Variants in CEP192 observed in about 807,000 individuals in gnomAD.
CEP192 encodes the protein centrosomal protein of 192 kDa.
Under a neutral mutation model 271.8 loss-of-function variants are expected in CEP192, and 151 were observed. That is an observed-to-expected ratio of 0.56 (90% CI 0.49 to 0.64). The LOEUF is 0.64. Among genes scored for constraint, CEP192 ranks in the 30% least tolerant of loss-of-function variants. CEP192 has a pLI of 0.00. For missense variants in CEP192, 2,910 were observed against 3,020.5 expected (o/e 0.96, Z 0.86); for synonymous variants, 995 against 1,076.5 (o/e 0.92, Z 1.48).
intron 40 of CEP192, among the ~76,000 whole-genome samples, chr18:13,107,745 A>G (rs191417841): frequency 2.0e-4 from 30 of 152,282 alleles, no homozygotes; most frequent in African/African-American, 6.3e-4. Flanking sequence ...TATTTTTCCT[A>G]TGGAGATCCA....
chr18:13,020,311 A>T (rs1398609184), intron 9 of CEP192, among the ~76,000 whole-genome samples: 1 of 152,200 alleles, frequency 6.6e-6, no homozygotes, highest in African/African-American at 2.4e-5. Flanking sequence ...GGGTAACCTC[A>T]TATAAGTGAA....
At chr18:13,004,959 C>T (rs565767946) in intron 3 of CEP192, among the ~76,000 whole-genome samples, 64 of 151,894 alleles carry the variant, frequency 4.2e-4, no homozygotes, top group Non-Finnish European at 8.4e-4. Context: ...TGGACAGGGG[C>T]AGGGAGAGTG....
intron 34 of CEP192, among the ~76,000 whole-genome samples, chr18:13,093,189 G>T (rs1368377010): frequency 6.6e-6 from 1 of 152,030 alleles, no homozygotes; most frequent in Non-Finnish European, 1.5e-5. Flanking sequence ...ACACTCTCCT[G>T]CATAGCCATG....
intron 43 of CEP192, among the ~76,000 whole-genome samples, chr18:13,117,268 C>T (rs138049033): frequency 3.5e-4 from 53 of 152,226 alleles, no homozygotes; most frequent in African/African-American, 1.3e-3. Context: ...AACATAAACT[C>T]ACTGGAAGTT....
At chr18:13,012,471 C>T (rs139948123) in intron 4 of CEP192, among the ~76,000 whole-genome samples, 365 of 152,230 alleles carry the variant, frequency 2.4e-3, no homozygotes, top group Non-Finnish European at 4.1e-3. Flanking sequence ...TACATAACCA[C>T]GGTGCTATTA....
intron 26 of CEP192, 46 bp from the exon 27 acceptor site, chr18:13,069,692 G>T: frequency 8.6e-7 from 1 of 1,165,122 alleles, no homozygotes. Flanking sequence ...CGAAAACTGC[G>T]TTTTTGTAAG....
At chr18:13,078,886 G>A (rs2038437377) in intron 30 of CEP192, among the ~76,000 whole-genome samples, 1 of 152,100 alleles carries the variant, frequency 6.6e-6, no homozygotes, top group Non-Finnish European at 1.5e-5. Flanking sequence ...AACATGCGGT[G>A]TTTGGTTTTC....
Position 13,068,441 on chromosome 18 carries a change from G to A in CEP192, c.4822+19G>A. On this transcript the variant is annotated intron_variant, in intron 24 of 44. Transcript: ENST00000506447. ...TCTTCAGGTATCATGTTTACACTGT[G>A]TGGGAATTGCTTTAATCTGTAGCTA... is the stretch of plus-strand genomic sequence containing the variant. 1 of 1,573,388 alleles carries A rather than the reference G, an allele frequency of 6.4e-7. No individual in the cohort carries two copies. Among genetic ancestry groups the A allele is most frequent in the Non-Finnish European group, 8.7e-7 (1 of 1,148,848 alleles).
chr18:13,030,686 C>G, intron 11 of CEP192, 78 bp downstream of exon 11: 3 of 1,104,192 alleles, frequency 2.7e-6, no homozygotes, highest in Non-Finnish European at 4.0e-6. Context: ...ATATGTTGGT[C>G]AGCCACATCA....
intron 21 of CEP192, among the ~76,000 whole-genome samples, chr18:13,060,402 C>T (rs2037346654): frequency 1.3e-5 from 2 of 152,102 alleles, no homozygotes; most frequent in Non-Finnish European, 2.9e-5. Context: ...CTCTGTGAGT[C>T]AGTGGTAAAG....
Position 13,040,823 on chromosome 18 carries a change from T to A in CEP192, c.1810-7T>A. On this transcript the variant is annotated splice_polypyrimidine_tract_variant and splice_region_variant and intron_variant, in intron 13 of 44. Transcript: ENST00000506447. Reference sequence around the variant, plus strand: ...AAAGAAATAATTTACCTTTAATTATTTTGTAGCCATCATTTGGCTATTTTA... The same window carrying A: ...AAAGAAATAATTTACCTTTAATTATATTGTAGCCATCATTTGGCTATTTTA... The A allele has an allele frequency of 6.3e-7, 1 of 1,575,044 alleles. No homozygotes were observed. The highest frequency in any genetic ancestry group is 8.6e-7 in the Non-Finnish European group (1 of 1,158,506).
rs977158266 is a variant in CEP192, at chr18:13,084,564, G to A, written c.5617-2453G>A. Among the ~76,000 whole-genome samples the A allele has an allele frequency of 5.3e-5, 8 of 152,242 alleles. No homozygotes were observed. In the East Asian group the frequency reaches 7.7e-4, roughly 15 times the overall value. On this transcript the variant is annotated intron_variant, in intron 30 of 44. Transcript: ENST00000506447. ...CTTGGCTAGGAAAGGGAAATCCCCCGACCCCTTGTGCTTCCCGGGTGAGGC... is the reference window on the plus strand; with the variant it reads ...CTTGGCTAGGAAAGGGAAATCCCCCAACCCCTTGTGCTTCCCGGGTGAGGC...
intron 30 of CEP192, among the ~76,000 whole-genome samples, chr18:13,082,674 C>A (rs1407660688): frequency 3.6e-4 from 54 of 151,940 alleles, no homozygotes; most frequent in Admixed American, 3.5e-3. Context: ...ATGATGTTAG[C>A]TGGTTATTTT....
Position 12,991,368 on chromosome 18 carries a change from C to T in CEP192, c.-74C>T, listed in dbSNP as rs2032824671. 6.6e-6 allele frequency: 1 copy of T among 152,420 alleles called. No homozygotes were observed. Among genetic ancestry groups the T allele is most frequent in the Non-Finnish European group, 1.5e-5 (1 of 68,176 alleles). 9.4% of individuals were successfully genotyped at this position (152,420 alleles called of 1,614,324 possible). ...CACGCGCACGCGCACTTGCAGTGCC[C>T]TGGGACACCTCTTCAGTCCGTGGAC... On this transcript the variant is annotated 5_prime_UTR_variant, in exon 1 of 45. Coordinates refer to ENST00000506447, the MANE Select transcript of CEP192 (RefSeq NM_032142.4).
chr18:13,101,213 T>G (rs1383256268), intron 38 of CEP192, among the ~76,000 whole-genome samples: 1 of 152,208 alleles, frequency 6.6e-6, no homozygotes, highest in Non-Finnish European at 1.5e-5. Flanking sequence ...CAGTGCACTG[T>G]CTTCAGTAAA....
chr18:13,108,837 T>G (rs980583790), intron 40 of CEP192, among the ~76,000 whole-genome samples: 1 of 152,120 alleles, frequency 6.6e-6, no homozygotes, highest in Non-Finnish European at 1.5e-5. Context: ...ATTGTGCCAC[T>G]GCACTCCAGC....
At chr18:13,071,489 C>T (rs1270221499) in intron 28 of CEP192, among the ~76,000 whole-genome samples, 3 of 152,166 alleles carry the variant, frequency 2.0e-5, no homozygotes, top group African/African-American at 7.2e-5. Context: ...TTTCAAAAGC[C>T]AGCTGAGAGA....
chr18:13,092,643 T>A, intron 34 of CEP192, 116 bp downstream of exon 34: 2 of 764,188 alleles, frequency 2.6e-6, no homozygotes, highest in South Asian at 3.8e-5. Flanking sequence ...AAATTTTTAT[T>A]TCACCTTTAT....
At chr18:13,095,165 T>C (rs1389556997) in intron 34 of CEP192, among the ~76,000 whole-genome samples, 1 of 152,148 alleles carries the variant, frequency 6.6e-6, no homozygotes, top group Non-Finnish European at 1.5e-5. Flanking sequence ...TCCCAGCTAA[T>C]TTTTCTTTTT....
Sources: gnomAD v4.1 joint callset for allele counts (sites outside exome capture counted in the v4.1 genomes callset) on GRCh38, gnomAD v4.1.1 for gene constraint, MANE v1.5 for transcripts, NCBI Gene and HGNC (gene_info 2026-07-23, HGNC 2026-07-21) for gene names.